The following OSBPL1A variants were observed in gnomAD, a reference collection of about 807,000 sequenced individuals.
OSBPL1A encodes oxysterol-binding protein-related protein 1.
OSBPL1A carries 80 observed loss-of-function variants against 137.1 expected under a neutral mutation model. That is an observed-to-expected ratio of 0.58 (90% CI 0.49 to 0.70). OSBPL1A has a LOEUF of 0.70. OSBPL1A is among the 30% of genes least tolerant of loss of function. The probability of loss-of-function intolerance (pLI) is 0.00; values close to 1 mark genes in which losing one functional copy is unlikely to be tolerated. For missense variants in OSBPL1A, 970 were observed against 1,129.4 expected (o/e 0.86, Z 2.02); for synonymous variants, 365 against 389.7 (o/e 0.94, Z 0.75).
At chr18:24,340,304 C>G (rs183598756) in intron 5 of OSBPL1A, among the ~76,000 whole-genome samples, 2 of 152,184 alleles carry the variant, frequency 1.3e-5, no homozygotes, top group South Asian at 4.1e-4. Context: ...GCAAATTAGT[C>G]TTTGACATTC....
intron 3 of OSBPL1A, among the ~76,000 whole-genome samples, chr18:24,367,228 T>TTATATATATATATATATATATATATATA (rs35876308): frequency 8.8e-5 from 13 of 147,158 alleles, no homozygotes; most frequent in African/African-American, 3.3e-4. Context: ...AGACTCCATC[T>TTATATATATATATATATATATATATATA]TATATATATA....
chr18:24,347,179 G>A (rs1019225008), intron 4 of OSBPL1A, among the ~76,000 whole-genome samples: 1 of 152,016 alleles, frequency 6.6e-6, no homozygotes, highest in East Asian at 1.9e-4. Flanking sequence ...TTCTTGTAAA[G>A]TAATTTTATT....
At chr18:24,307,880 C>T (rs866680738) in intron 13 of OSBPL1A, among the ~76,000 whole-genome samples, 2 of 151,962 alleles carry the variant, frequency 1.3e-5, no homozygotes, top group Middle Eastern at 3.4e-3. Context: ...GCCTCCGCCT[C>T]GCAGGTTCAA....
chr18:24,165,672 A>G (rs1336135672), intron 26 of OSBPL1A, among the ~76,000 whole-genome samples: 1 of 152,212 alleles, frequency 6.6e-6, no homozygotes, highest in Non-Finnish European at 1.5e-5. Flanking sequence ...AGCAGCATCC[A>G]TGGCCTGCAG....
In OSBPL1A at chr18:24,311,854, G is replaced by T. The variant is rs1184822674; in HGVS notation, c.1092+130C>A. The stretch of plus-strand genomic sequence containing the variant: ...AGCTACCAACACAATGCAACTCAGT[G>T]AAGAACAGTACTATTTCTATTGTTG... On this transcript the variant is annotated intron_variant, in intron 13 of 27. Coordinates refer to ENST00000319481, the MANE Select transcript of OSBPL1A (RefSeq NM_080597.4). The T allele has an allele frequency of 4.7e-6, 5 of 1,057,670 alleles. No homozygotes were observed. In the African/African-American group the frequency reaches 4.8e-5, roughly 10 times the overall value. 65.5% of individuals were successfully genotyped at this position (1,057,670 alleles called of 1,614,324 possible).
intron 14 of OSBPL1A, among the ~76,000 whole-genome samples, chr18:24,292,949 T>C (rs1050032830): frequency 1.3e-5 from 2 of 150,854 alleles, no homozygotes; most frequent in Non-Finnish European, 3.0e-5. Context: ...CTACTAAAAA[T>C]ATAAAAATTA....
intron 21 of OSBPL1A, among the ~76,000 whole-genome samples, chr18:24,173,451 CA>C (rs1454767152): frequency 1.4e-4 from 21 of 152,164 alleles, no homozygotes; most frequent in African/African-American, 4.8e-4. Context: ...CTCGCTGTGT[CA>C]CCCAGGCTGG....
intron 17 of OSBPL1A, among the ~76,000 whole-genome samples, chr18:24,201,719 T>C (rs1171310792): frequency 6.6e-6 from 1 of 151,510 alleles, no homozygotes; most frequent in Non-Finnish European, 1.5e-5. Flanking sequence ...GCTGAGGCTG[T>C]GCCACTGCAC....
At chr18:24,314,083 C>G (rs1480086868) in intron 12 of OSBPL1A, among the ~76,000 whole-genome samples, 166 bp downstream of exon 12, 6 of 152,156 alleles carry the variant, frequency 3.9e-5, no homozygotes. Flanking sequence ...CCAGCTTGGG[C>G]TACAGAGTGA....
chr18:24,338,369 C>T (rs142898034), intron 5 of OSBPL1A, among the ~76,000 whole-genome samples: 15,383 of 151,914 alleles, frequency 0.1, 854 homozygotes, highest in African/African-American at 0.15. Context: ...CATGAGCCAC[C>T]GTGCCCGGCC....
chr18:24,214,934 T>C (rs890710172), intron 17 of OSBPL1A, among the ~76,000 whole-genome samples: 6 of 152,218 alleles, frequency 3.9e-5, no homozygotes, highest in African/African-American at 1.4e-4. Context: ...TAACAATTTG[T>C]TTGTGCTTTG....
intron 15 of OSBPL1A, among the ~76,000 whole-genome samples, chr18:24,246,814 T>G (rs2088908360): frequency 9.5e-6 from 1 of 105,468 alleles, no homozygotes. Context: ...AAAAAAAAAA[T>G]CCCTTAAGAA....
At chr18:24,182,452 T>C (rs1016523645) in intron 18 of OSBPL1A, among the ~76,000 whole-genome samples, 2 of 151,502 alleles carry the variant, frequency 1.3e-5, no homozygotes, top group African/African-American at 4.8e-5. Flanking sequence ...TGCTGGCTGG[T>C]TGCGTGGGCG....
At chr18:24,315,117 C>T (rs970785847) in intron 11 of OSBPL1A, among the ~76,000 whole-genome samples, 3 of 152,150 alleles carry the variant, frequency 2.0e-5, no homozygotes, top group Non-Finnish European at 4.4e-5. Context: ...ATGGGAGTCA[C>T]GCTCTCTGGA....
intron 15 of OSBPL1A, among the ~76,000 whole-genome samples, chr18:24,240,923 CA>C: frequency 6.6e-6 from 1 of 152,254 alleles, no homozygotes; most frequent in East Asian, 1.9e-4. Context: ...GGTACCAAAA[CA>C]GATACACAGA....
chr18:24,353,137 A>C (rs1368569157), intron 4 of OSBPL1A, among the ~76,000 whole-genome samples: 1 of 152,226 alleles, frequency 6.6e-6, no homozygotes, highest in African/African-American at 2.4e-5. Flanking sequence ...GGCAACCTAC[A>C]AAATGGGAGA....
At position 24,225,190 on chromosome 18, in the gene OSBPL1A, ACT is replaced by A. The variant is rs776052699; in HGVS notation, c.1451_1452del (p.Glu484ValfsTer7). On this transcript the variant is annotated frameshift_variant, in exon 17 of 28. Coordinates refer to ENST00000319481, the MANE Select transcript of OSBPL1A (RefSeq NM_080597.4). LOFTEE classifies it high-confidence loss of function. ...DEFYDALSDS[E>X]SERSLSRLEA... ...TCCAATCTACTCAGGGACCTTTCGG[ACT>A]CGGAATCTGTGGCAGAGCAGGTTCA... 2 of 1,613,944 alleles carry A rather than the reference ACT, an allele frequency of 1.2e-6. No homozygotes were observed. The highest frequency in any genetic ancestry group is 2.2e-5 in the South Asian group (2 of 91,046).
chr18:24,232,498 G>T (rs1464307941), intron 16 of OSBPL1A, among the ~76,000 whole-genome samples: 1 of 152,160 alleles, frequency 6.6e-6, no homozygotes, highest in African/African-American at 2.4e-5. Flanking sequence ...TCTACAATTT[G>T]TAACATCTGC....
intron 15 of OSBPL1A, among the ~76,000 whole-genome samples, chr18:24,253,276 A>G (rs1290380643): frequency 1.3e-5 from 2 of 152,138 alleles, no homozygotes; most frequent in Non-Finnish European, 2.9e-5. Flanking sequence ...AAGGGATAGA[A>G]AAAGACATTT....
Sources: gnomAD v4.1 joint callset for allele counts (sites outside exome capture counted in the v4.1 genomes callset) on GRCh38, gnomAD v4.1.1 for gene constraint, MANE v1.5 for transcripts, NCBI Gene and HGNC (gene_info 2026-07-23, HGNC 2026-07-21) for gene names.